The following CEP350 variants were observed in gnomAD, a reference collection of about 807,000 sequenced individuals.
CEP350 encodes the protein centrosome-associated protein 350.
In CEP350, 126 loss-of-function variants were observed where a neutral mutation model predicts 331.8. The ratio of observed to expected loss-of-function variants is 0.38; its 90% CI spans 0.33 to 0.44. CEP350 has a LOEUF of 0.44. Among genes scored for constraint, CEP350 ranks in the 20% least tolerant of loss-of-function variants. The pLI is 1.00. For synonymous variants in CEP350, 1,200 were observed against 1,259.5 expected (o/e 0.95, Z 1.00); for missense variants, 3,406 against 3,634.6 (o/e 0.94, Z 1.62).
intron 21 of CEP350, among the ~76,000 whole-genome samples, chr1:180,045,058 T>A (rs916630043): frequency 2.6e-5 from 4 of 152,124 alleles, no homozygotes; most frequent in Non-Finnish European, 5.9e-5. Context: ...AAATATTGAA[T>A]AGGCCGGGCA....
At chr1:180,037,993 C>G (rs1038951378) in intron 17 of CEP350, among the ~76,000 whole-genome samples, 3 of 152,052 alleles carry the variant, frequency 2.0e-5, no homozygotes, top group African/African-American at 7.2e-5. Context: ...ATGTAAGAAC[C>G]ACCCTAATCA....
chr1:180,074,929 G>A, intron 27 of CEP350, 93 bp from the exon 28 acceptor site: 1 of 1,093,738 alleles, frequency 9.1e-7, no homozygotes, highest in Admixed American at 2.9e-5. Flanking sequence ...CTTTTGCACA[G>A]CTTGTTGATA....
chr1:180,021,068 T>G, intron 12 of CEP350, 59 bp downstream of exon 12: 1 of 1,389,448 alleles, frequency 7.2e-7, no homozygotes, highest in Non-Finnish European at 9.4e-7. Flanking sequence ...ATTTTATAAT[T>G]TCTGTATGAG....
intron 37 of CEP350, among the ~76,000 whole-genome samples, chr1:180,100,723 G>A (rs1180386490): frequency 2.0e-5 from 3 of 152,214 alleles, no homozygotes; most frequent in African/African-American, 7.2e-5. Flanking sequence ...GTCAAGGCAG[G>A]CTTCTCTGAG....
chr1:179,961,647 T>G (rs1650634582), intron 1 of CEP350, among the ~76,000 whole-genome samples: 1 of 152,006 alleles, frequency 6.6e-6, no homozygotes, highest in Non-Finnish European at 1.5e-5. Context: ...TTTAATACGG[T>G]TTGTTTCTCT....
At chr1:180,069,472 C>A (rs760225132) in intron 27 of CEP350, among the ~76,000 whole-genome samples, 3 of 152,008 alleles carry the variant, frequency 2.0e-5, no homozygotes, top group Non-Finnish European at 4.4e-5. Context: ...AATAGCATTG[C>A]CTCAAATTGA....
chr1:180,092,231 A>C (rs749820964), intron 33 of CEP350, among the ~76,000 whole-genome samples: 2 of 152,228 alleles, frequency 1.3e-5, no homozygotes, highest in African/African-American at 4.8e-5. Flanking sequence ...TTTTAGAAGT[A>C]TATATGGAAG....
In CEP350 at chr1:180,043,146, C is replaced by T. The variant is rs1656877200; in HGVS notation, c.4453C>T (p.Leu1485Phe). The change falls in exon 20 of 38, where the codon CTT becomes TTT. Residue 1485 changes from leucine to phenylalanine, a missense_variant. Physicochemically the swap from Leu to Phe is conservative, Grantham distance 22 (BLOSUM62 0). Transcript: ENST00000367607. Reference sequence around the variant, plus strand: ...ACTGTATGACCACCAACGGCAGCACCTTCCAGACTTTGTGAAACAGCTGAG... The same window carrying T: ...ACTGTATGACCACCAACGGCAGCACTTTCCAGACTTTGTGAAACAGCTGAG... ...AILYDHQRQH[L>F]PDFVKQLRTR... is the part of the protein sequence containing the mutation. 1.9e-6 allele frequency: 3 copies of T among 1,613,762 alleles called. No homozygotes were observed. The highest frequency in any genetic ancestry group is 2.2e-5 in the East Asian group (1 of 44,878).
At position 180,094,202 on chromosome 1, in the gene CEP350, G is replaced by A. The variant is rs773263144; in HGVS notation, c.8097G>A (p.Gln2699=). ...CCGAAGAATTGGAGAAGCAACAGCA[G>A]TTTACAGAAGAGGAAGACAACCTAT... The part of the protein sequence containing the change: ...TFSEELEKQQ[Q]FTEEEDNLYA... Residue 2699 remains glutamine (Q), a synonymous_variant, in exon 34 of 38, where the codon CAG becomes CAA. Coordinates refer to ENST00000367607, the MANE Select transcript of CEP350 (RefSeq NM_014810.5). 10 of 1,613,196 alleles carry A rather than the reference G, an allele frequency of 6.2e-6. No individual in the cohort carries two copies. The South Asian group carries it at 7.7e-5, about 12-fold the overall frequency.
intron 19 of CEP350, among the ~76,000 whole-genome samples, chr1:180,042,788 G>A (rs1462304426): frequency 2.0e-5 from 3 of 152,194 alleles, no homozygotes; most frequent in Non-Finnish European, 4.4e-5. Flanking sequence ...TACTGCTTAT[G>A]TTATGCTTTA....
At chr1:179,985,154 ATTC>A (rs1014685539) in intron 1 of CEP350, among the ~76,000 whole-genome samples, 2 of 152,024 alleles carry the variant, frequency 1.3e-5, no homozygotes, top group Non-Finnish European at 2.9e-5. Context: ...GTAACTCTCC[ATTC>A]TTCTCTTTTC....
intron 14 of CEP350, among the ~76,000 whole-genome samples, chr1:180,029,834 T>C (rs1290072356): frequency 6.6e-6 from 1 of 152,166 alleles, no homozygotes; most frequent in Non-Finnish European, 1.5e-5. Context: ...ATTCTCCTCT[T>C]CTCCCAGCAC....
intron 1 of CEP350, among the ~76,000 whole-genome samples, chr1:179,964,405 G>A (rs904739856): frequency 1.3e-5 from 2 of 151,994 alleles, no homozygotes; most frequent in African/African-American, 4.8e-5. Flanking sequence ...TCTAACTTTT[G>A]TCCATTCAGT....
In CEP350 at chr1:180,020,800, C is replaced by T; in HGVS notation, c.3026C>T (p.Ala1009Val). Residue 1009 changes from alanine to valine, a missense_variant, in exon 12 of 38, where the codon GCA becomes GTA. By Grantham distance (64) the Ala-to-Val change is moderately conservative (BLOSUM62 0). Coordinates refer to ENST00000367607, the MANE Select transcript of CEP350 (RefSeq NM_014810.5). ...GATGGACAGCCCCTTTTGAAAGTAGCAGAAATTTTAAAAGAAAAGGAATTT... is the reference window on the plus strand; with the variant it reads ...GATGGACAGCCCCTTTTGAAAGTAGTAGAAATTTTAAAAGAAAAGGAATTT... The part of the protein sequence containing the change: ...DQDGQPLLKV[A>V]EILKEKEFCP... The T allele has an allele frequency of 1.2e-6, 2 of 1,613,136 alleles. No individual in the cohort carries two copies. Among genetic ancestry groups the T allele is most frequent in the Non-Finnish European group, 1.7e-6 (2 of 1,179,710 alleles).
At chr1:180,004,877 TGCTTGCTTG>T (rs1654113362) in intron 7 of CEP350, among the ~76,000 whole-genome samples, 1 of 72,884 alleles carries the variant, frequency 1.4e-5, no homozygotes, top group Non-Finnish European at 2.8e-5. Flanking sequence ...CTGGCTGGCT[TGCTTGCTTG>T]CTTGCTTGCT....
At chr1:179,968,550 A>G (rs1651194000) in intron 1 of CEP350, 1 of 331,194 alleles carries the variant, frequency 3.0e-6, no homozygotes, top group Admixed American at 4.0e-5. Context: ...CTCTCAGTTG[A>G]CTAAGTTATT....
intron 31 of CEP350, chr1:180,085,722 A>G (rs960077500): frequency 6.6e-6 from 1 of 152,260 alleles, no homozygotes; most frequent in African/African-American, 2.4e-5. Context: ...TTAGACTCTA[A>G]GTGCTCTAAG....
intron 14 of CEP350, 80 bp from the exon 15 acceptor site, chr1:180,031,240 T>G (rs986953943): frequency 6.5e-6 from 5 of 771,118 alleles, no homozygotes; most frequent in Non-Finnish European, 1.0e-5. Context: ...TTTGTTATTT[T>G]ATTGAAATCT....
chr1:180,093,057 G>A lies in CEP350; in HGVS notation c.6952G>A (p.Ala2318Thr), dbSNP rs1188841388. 2 of 1,606,052 alleles carry A rather than the reference G, an allele frequency of 1.2e-6. No homozygotes were observed. The highest frequency in any genetic ancestry group is 1.7e-6 in the Non-Finnish European group (2 of 1,175,746). The change falls in exon 34 of 38, where the codon GCT becomes ACT. Residue 2318 changes from alanine (A) to threonine (T), a missense_variant. Physicochemically the swap from Ala to Thr is moderately conservative, Grantham distance 58 (BLOSUM62 0). Around this residue, in one of 5 missense-constraint regions of CEP350, gnomAD observed 1,415 missense variants for 1,512.3 expected, o/e 0.94. Coordinates refer to ENST00000367607, the MANE Select transcript of CEP350 (RefSeq NM_014810.5). ...TGTTCAGAAAGACCTAGTTGGATTA[G>A]CTATTGAAAATCTCCATAAAAGTGA... is the stretch of plus-strand genomic sequence containing the variant. ...ENVQKDLVGL[A>T]IENLHKSEEM... is the part of the protein sequence containing the mutation.
Sources: allele counts gnomAD v4.1 joint callset (sites outside exome capture counted in the v4.1 genomes callset), GRCh38; gene constraint gnomAD v4.1.1; regional missense constraint gnomAD v4.1.1; transcripts MANE v1.5; gene names NCBI Gene and HGNC (gene_info 2026-07-23, HGNC 2026-07-21).